Variants in PLCH1 observed in about 807,000 individuals in gnomAD.
The protein encoded by PLCH1 is phospholipase C eta 1.
PLCH1 carries 60 observed loss-of-function variants against 126.7 expected under a neutral mutation model. That is an observed-to-expected ratio of 0.47 (90% CI 0.38 to 0.59). PLCH1 has a LOEUF of 0.59. Ranked by LOEUF, PLCH1 falls within the 20% of genes least tolerant of loss-of-function variation. PLCH1 has a pLI of 0.00. For missense variants in PLCH1, 1,723 were observed against 2,040.0 expected (o/e 0.84, Z 2.99); for synonymous variants, 719 against 734.9 (o/e 0.98, Z 0.35).
intron 2 of PLCH1, among the ~76,000 whole-genome samples, chr3:155,685,261 G>T (rs1744847898): frequency 1.3e-5 from 2 of 152,196 alleles, no homozygotes; most frequent in South Asian, 4.1e-4. Context: ...ATACGGTAAG[G>T]GTAAGTGAGG....
intron 11 of PLCH1, among the ~76,000 whole-genome samples, chr3:155,521,020 T>C (rs1390636575): frequency 6.6e-6 from 1 of 152,210 alleles, no homozygotes; most frequent in Non-Finnish European, 1.5e-5. Flanking sequence ...CGCTTGGGGT[T>C]CTTTCTGCCT....
chr3:155,571,778 A>G (rs978488193), intron 6 of PLCH1, among the ~76,000 whole-genome samples: 3 of 152,222 alleles, frequency 2.0e-5, no homozygotes, highest in African/African-American at 7.2e-5. Context: ...TGTGTTAGAT[A>G]TTAAGTTAGA....
intron 2 of PLCH1, among the ~76,000 whole-genome samples, chr3:155,674,726 C>T (rs1469978929): frequency 2.6e-5 from 4 of 152,130 alleles, no homozygotes; most frequent in Admixed American, 6.5e-5. Context: ...AGACACCTTA[C>T]ATTCATCAAC....
intron 8 of PLCH1, among the ~76,000 whole-genome samples, chr3:155,563,952 T>A (rs932302180): frequency 2.4e-4 from 36 of 152,020 alleles, no homozygotes; most frequent in African/African-American, 7.7e-4. Flanking sequence ...TCTCTCTCTC[T>A]CACAGGTGGG....
At chr3:155,719,320 A>C (rs1360438966) in intron 1 of PLCH1, among the ~76,000 whole-genome samples, 1 of 152,104 alleles carries the variant, frequency 6.6e-6, no homozygotes, top group East Asian at 1.9e-4. Flanking sequence ...CCACAATGAG[A>C]ACACTTGGAC....
At chr3:155,603,157 A>C (rs1279819541) in intron 2 of PLCH1, among the ~76,000 whole-genome samples, 4 of 152,202 alleles carry the variant, frequency 2.6e-5, no homozygotes, top group African/African-American at 7.2e-5. Context: ...ACAACAAAAA[A>C]AAAAGTCCAG....
At chr3:155,463,560 C>T (rs1337143191) in intron 21 of PLCH1, among the ~76,000 whole-genome samples, 1 of 152,268 alleles carries the variant, frequency 6.6e-6, no homozygotes, top group South Asian at 2.1e-4. Flanking sequence ...GGGCAAATCA[C>T]AAGTTCAATG....
chr3:155,540,785 C>A (rs1002209338), intron 10 of PLCH1, among the ~76,000 whole-genome samples: 40 of 152,242 alleles, frequency 2.6e-4, no homozygotes, highest in Middle Eastern at 3.4e-3. Flanking sequence ...CACTTTTACA[C>A]TGCTGGAGGG....
chr3:155,482,526 C>T lies in PLCH1; in HGVS notation c.3500G>A (p.Ser1167Asn). The change falls in exon 23 of 23, where the codon AGT becomes AAT. Residue 1167 changes from serine to asparagine, a missense_variant. By Grantham distance (46) the Ser-to-Asn change is conservative (BLOSUM62 1). Transcript: ENST00000460012. ...DLHSTAILQE[S>N]VISHLIDNVT... ...ATTGTCAATAAGATGGGAAATTACA[C>T]TCTCCTGCAGAATTGCAGTTGAATG... The T allele has an allele frequency of 6.2e-7, 1 of 1,614,164 alleles. No homozygotes were observed. The highest frequency in any genetic ancestry group is 8.5e-7 in the Non-Finnish European group (1 of 1,180,004).
At chr3:155,688,555 C>T (rs1235067805) in intron 2 of PLCH1, among the ~76,000 whole-genome samples, 1 of 152,208 alleles carries the variant, frequency 6.6e-6, no homozygotes, top group East Asian at 1.9e-4. Context: ...AAGGTAACAG[C>T]TCAGCCACAG....
At chr3:155,490,920 G>T in intron 18 of PLCH1, 52 bp from the exon 19 acceptor site, 1 of 1,006,614 alleles carries the variant, frequency 9.9e-7, no homozygotes, top group Non-Finnish European at 1.6e-6. Context: ...CTATACATAT[G>T]TTAATTAATC....
At chr3:155,524,372 A>AGAT (rs1219091086) in intron 10 of PLCH1, among the ~76,000 whole-genome samples, 3 of 152,188 alleles carry the variant, frequency 2.0e-5, no homozygotes, top group African/African-American at 7.2e-5. Context: ...AGAGTTTTGG[A>AGAT]GATTGGCTGC....
In PLCH1 at chr3:155,481,298, G is replaced by T. The variant is rs774328734; in HGVS notation, c.4728C>A (p.Ser1576Arg). ...LVRKLSSRSQSRVRNIASRAK... is the reference protein window; with the variant it reads ...LVRKLSSRSQRRVRNIASRAK... Reference sequence around the variant, plus strand: ...CACGACTAGCAATATTGCGCACTCTGCTCTGACTTCTGGATGACAACTTCC... The same window carrying T: ...CACGACTAGCAATATTGCGCACTCTTCTCTGACTTCTGGATGACAACTTCC... Residue 1576 changes from serine to arginine, a missense_variant, in exon 23 of 23, where the codon AGC (serine) becomes AGA (arginine). This residue lies in a region of PLCH1 where 947 missense variants were observed against 977.1 expected (regional missense o/e 0.97). Coordinates refer to ENST00000460012, the MANE Select transcript of PLCH1 (RefSeq NM_014996.4). The surrounding 1 kb of genome is among the most constrained non-coding windows in gnomAD (Gnocchi z 4.2). 6.2e-7 allele frequency: 1 copy of T among 1,614,196 alleles called. No homozygotes were observed. The highest frequency in any genetic ancestry group is 1.7e-5 in the Admixed American group (1 of 60,018).
intron 10 of PLCH1, among the ~76,000 whole-genome samples, chr3:155,531,781 T>A (rs1432248710): frequency 6.6e-6 from 1 of 152,228 alleles, no homozygotes; most frequent in Non-Finnish European, 1.5e-5. Context: ...AAACTTCATA[T>A]ACCAAACTCT....
chr3:155,636,099 AG>A (rs1666244527), intron 2 of PLCH1, among the ~76,000 whole-genome samples: 1 of 152,164 alleles, frequency 6.6e-6, no homozygotes, highest in African/African-American at 2.4e-5. Context: ...CTTTTTCAAA[AG>A]TGCCCCAACT....
intron 4 of PLCH1, among the ~76,000 whole-genome samples, chr3:155,593,427 T>G (rs1732470417): frequency 2.0e-5 from 3 of 152,174 alleles, no homozygotes; most frequent in Non-Finnish European, 4.4e-5. Context: ...ACTTCCCCTT[T>G]GGTATCAATC....
intron 21 of PLCH1, among the ~76,000 whole-genome samples, chr3:155,460,842 A>G (rs1365626493): frequency 1.4e-5 from 2 of 143,004 alleles, no homozygotes; most frequent in East Asian, 2.0e-4. Flanking sequence ...AGATAGATAG[A>G]TAGTGGTGGG....
intron 1 of PLCH1, among the ~76,000 whole-genome samples, chr3:155,738,016 G>A (rs776919961): frequency 6.6e-6 from 1 of 152,156 alleles, no homozygotes; most frequent in African/African-American, 2.4e-5. Flanking sequence ...ACTCACTGAC[G>A]CTGGCACTAA....
intron 10 of PLCH1, among the ~76,000 whole-genome samples, chr3:155,537,572 C>CA (rs1180944936): frequency 2.0e-5 from 3 of 151,718 alleles, no homozygotes; most frequent in East Asian, 1.9e-4. Flanking sequence ...TGCAAATGGA[C>CA]AAAAAAAGTG....
Sources: allele counts gnomAD v4.1 joint callset (sites outside exome capture counted in the v4.1 genomes callset), GRCh38; gene constraint gnomAD v4.1.1; regional missense constraint gnomAD v4.1.1; non-coding constraint Gnocchi (gnomAD v3.1); transcripts MANE v1.5; gene names NCBI Gene and HGNC (gene_info 2026-07-23, HGNC 2026-07-21).